Variants in PKHD1L1 observed in about 807,000 individuals in gnomAD.
PKHD1L1 encodes fibrocystin-L.
In PKHD1L1, 434 loss-of-function variants were observed where a neutral mutation model predicts 462.9. The ratio of observed to expected loss-of-function variants is 0.94; its 90% CI spans 0.87 to 1.02. PKHD1L1 has a LOEUF of 1.02. PKHD1L1 is among the 50% of genes least tolerant of loss of function. The probability of loss-of-function intolerance (pLI) is 0.00; values close to 1 mark genes in which losing one functional copy is unlikely to be tolerated. For missense variants in PKHD1L1, 5,202 were observed against 5,096.1 expected, an observed-to-expected ratio of 1.02 and a Z score of -0.63; for synonymous variants, 1,781 against 1,750.0, an observed-to-expected ratio of 1.02 and a Z score of -0.44.
rs760259297 is a variant in PKHD1L1, at chr8:109,485,153, G to A, written c.9686G>A (p.Ser3229Asn). Residue 3229 changes from serine (S) to asparagine (N), a missense_variant, in exon 58 of 78, where the codon AGC becomes AAC. This residue lies in a region of PKHD1L1 where 4,497 missense variants were observed against 4,336.8 expected (regional missense o/e 1.04). Coordinates refer to ENST00000378402, the MANE Select transcript of PKHD1L1 (RefSeq NM_177531.6). ...HDHKILILNDSLSYTHFAEKY... is the reference protein window; with the variant it reads ...HDHKILILNDNLSYTHFAEKY... Reference sequence around the variant, plus strand: ...CATAAAATTCTCATTCTTAATGATAGCCTTTCCTATACTCACTTTGGTAAG... The same window carrying A: ...CATAAAATTCTCATTCTTAATGATAACCTTTCCTATACTCACTTTGGTAAG... 2.5e-6 allele frequency: 4 copies of A among 1,588,998 alleles called. No individual in the cohort carries two copies. Among genetic ancestry groups the A allele is most frequent in the Non-Finnish European group, 3.4e-6 (4 of 1,166,464 alleles).
intron 8 of PKHD1L1, 108 bp from the exon 9 acceptor site, chr8:109,390,344 T>G: frequency 1.8e-6 from 1 of 553,150 alleles, no homozygotes; most frequent in Non-Finnish European, 2.9e-6. Context: ...ATAAATACAA[T>G]TTTGATTTTG....
At chr8:109,369,391 A>G (rs1811383621) in intron 2 of PKHD1L1, among the ~76,000 whole-genome samples, 1 of 152,114 alleles carries the variant, frequency 6.6e-6, no homozygotes, top group South Asian at 2.1e-4. Flanking sequence ...TTTTTCAGCA[A>G]TATTAATAAT....
intron 55 of PKHD1L1, 36 bp from the exon 56 acceptor site, chr8:109,481,397 A>G (rs747758253): frequency 3.0e-5 from 46 of 1,527,406 alleles, no homozygotes; most frequent in Non-Finnish European, 3.8e-5. Flanking sequence ...TTCCTGGTCA[A>G]TTTTTAAGTA....
At chr8:109,481,618 A>AAGACAAAAAC in intron 56 of PKHD1L1, 56 bp downstream of exon 56, 4 of 1,438,144 alleles carry the variant, frequency 2.8e-6, no homozygotes, top group Non-Finnish European at 3.7e-6. Context: ...CTACTTTAAA[A>AAGACAAAAAC]TATATGGCAC....
intron 71 of PKHD1L1, among the ~76,000 whole-genome samples, chr8:109,513,810 C>A (rs1417555258): frequency 1.3e-5 from 2 of 152,102 alleles, no homozygotes; most frequent in African/African-American, 2.4e-5. Flanking sequence ...ATACCAGAAT[C>A]TGCCCACTTC....
chr8:109,409,256 T>A (rs557297632), intron 18 of PKHD1L1, among the ~76,000 whole-genome samples: 64 of 147,246 alleles, frequency 4.3e-4, no homozygotes, highest in African/African-American at 1.6e-3. Context: ...GCATGTAACC[T>A]TTTTTTTTTT....
rs375059482 is a variant in PKHD1L1 at position 109,531,964 on chromosome 8, T to C, written c.*1874T>C. 7.4e-4 allele frequency among the ~76,000 whole-genome samples: 112 copies of C among 152,362 alleles called. No individual in the cohort carries two copies. Among genetic ancestry groups the C allele is most frequent in the African/African-American group, 2.5e-3 (104 of 41,580 alleles). On this transcript the variant is annotated 3_prime_UTR_variant, in exon 78 of 78. Transcript: ENST00000378402. ...ACTGTTCATTCCGTGATACTTCCTT[T>C]CTGTTGGAAAACTAAATTCCAAAAA...
At chr8:109,489,793 A>G (rs1410838796) in intron 59 of PKHD1L1, among the ~76,000 whole-genome samples, 159 bp from the exon 60 acceptor site, 3 of 151,990 alleles carry the variant, frequency 2.0e-5, no homozygotes, top group Non-Finnish European at 4.4e-5. Context: ...TTGTGAGTAC[A>G]ATGAAAAGAG....
At chr8:109,471,456 AC>A (rs2130855884) in intron 50 of PKHD1L1, among the ~76,000 whole-genome samples, 2 of 152,308 alleles carry the variant, frequency 1.3e-5, no homozygotes, top group African/African-American at 4.8e-5. Flanking sequence ...ACACAGTGAG[AC>A]TGTACATAAT....
intron 49 of PKHD1L1, among the ~76,000 whole-genome samples, chr8:109,465,966 A>G (rs1319803923): frequency 6.6e-6 from 1 of 152,202 alleles, no homozygotes; most frequent in African/African-American, 2.4e-5. Context: ...GATAGCGAGG[A>G]TATGTGCCTC....
At chr8:109,407,986 AG>A in intron 17 of PKHD1L1, 62 bp from the exon 18 acceptor site, 8 of 1,092,828 alleles carry the variant, frequency 7.3e-6, no homozygotes, top group Non-Finnish European at 9.5e-6. Context: ...TAAAATATAT[AG>A]TTTTATATAT....
rs1210594575 is a variant in PKHD1L1, at chr8:109,435,170, C to G, written c.3341-20C>G. 7.4e-6 allele frequency: 12 copies of G among 1,610,922 alleles called. No individual in the cohort carries two copies. The highest frequency in any genetic ancestry group is 1.0e-5 in the Non-Finnish European group (12 of 1,178,484). On this transcript the variant is annotated intron_variant, in intron 28 of 77. Coordinates refer to ENST00000378402, the MANE Select transcript of PKHD1L1 (RefSeq NM_177531.6). ...CCATTTGATTTACCATTTTCTTCAT[C>G]TTTTTCTTTTTTTCACAAGAAAAAG...
intron 22 of PKHD1L1, among the ~76,000 whole-genome samples, chr8:109,420,064 C>T (rs1299522743): frequency 6.6e-6 from 1 of 152,052 alleles, no homozygotes; most frequent in Non-Finnish European, 1.5e-5. Flanking sequence ...TCACTTAGAA[C>T]CTACTATGTG....
chr8:109,522,225 C>A lies in PKHD1L1; in HGVS notation c.12071C>A (p.Ser4024Tyr), dbSNP rs374415128. 3 of 1,605,008 alleles carry A rather than the reference C, an allele frequency of 1.9e-6. No homozygotes were observed. Among genetic ancestry groups the A allele is most frequent in the Non-Finnish European group, 2.6e-6 (3 of 1,172,768 alleles). ...QLSELQEIAG[S>Y]LGQAVILGNI... ...TCTGAACTCCAGGAAATTGCTGGTT[C>A]TCTTGGACAAGCTGTAATTTTAGGA... Residue 4024 changes from serine to tyrosine, a missense_variant, in exon 74 of 78, where the codon TCT becomes TAT. Transcript: ENST00000378402.
intron 1 of PKHD1L1, among the ~76,000 whole-genome samples, chr8:109,363,840 C>T (rs1049039368): frequency 1.3e-5 from 2 of 152,148 alleles, no homozygotes; most frequent in African/African-American, 4.8e-5. Flanking sequence ...ACACAAGCAG[C>T]GTGGGTGAAA....
At chr8:109,440,878 G>A in intron 33 of PKHD1L1, 26 bp downstream of exon 33, 2 of 1,603,902 alleles carry the variant, frequency 1.2e-6, no homozygotes, top group Non-Finnish European at 1.7e-6. Flanking sequence ...ATAGGAAAGT[G>A]ATTATCATTT....
chr8:109,449,080 T>G (rs1223707297), intron 39 of PKHD1L1, among the ~76,000 whole-genome samples: 1 of 152,188 alleles, frequency 6.6e-6, no homozygotes, highest in Non-Finnish European at 1.5e-5. Context: ...TGACATCTTT[T>G]TTAAATAAAA....
chr8:109,412,193 T>C, intron 19 of PKHD1L1, 72 bp from the exon 20 acceptor site: 1 of 1,522,716 alleles, frequency 6.6e-7, no homozygotes, highest in Non-Finnish European at 9.0e-7. Context: ...CTTGAGTGGT[T>C]TGGGTGCACA....
chr8:109,403,587 C>A (rs796387910), intron 14 of PKHD1L1, among the ~76,000 whole-genome samples: 14 of 152,180 alleles, frequency 9.2e-5, no homozygotes, highest in African/African-American at 2.9e-4. Flanking sequence ...TTGAATTCTG[C>A]TCTTTAATTA....
Sources: allele counts gnomAD v4.1 joint callset (sites outside exome capture counted in the v4.1 genomes callset), GRCh38; gene constraint gnomAD v4.1.1; regional missense constraint gnomAD v4.1.1; transcripts MANE v1.5; gene names NCBI Gene and HGNC (gene_info 2026-07-23, HGNC 2026-07-21).